RABEP2: variants seen among roughly 807,000 people sequenced by gnomAD.
RABEP2 encodes the protein rab GTPase-binding effector protein 2.
RABEP2 carries 57 observed loss-of-function variants against 74.1 expected under a neutral mutation model. The ratio of observed to expected loss-of-function variants is 0.77; its 90% CI spans 0.62 to 0.96. RABEP2 has a LOEUF of 0.96. Among genes scored for constraint, RABEP2 ranks in the 40% least tolerant of loss-of-function variants. The pLI is 0.00. For missense variants in RABEP2, 692 were observed against 756.3 expected (o/e 0.91, Z 1.00); for synonymous variants, 351 against 344.0 (o/e 1.02, Z -0.23).
At chr16:28,923,898 A>G (rs1964499616) in intron 2 of RABEP2, 3 of 166,788 alleles carry the variant, frequency 1.8e-5, no homozygotes, top group African/African-American at 7.2e-5. Context: ...AAACAGGATC[A>G]GCAGCTGGGG....
chr16:28,914,207 C>T (rs1306496391), intron 5 of RABEP2, 29 bp downstream of exon 5: 4 of 1,531,994 alleles, frequency 2.6e-6, no homozygotes, highest in Admixed American at 1.9e-5. Context: ...GGGGATGGTA[C>T]ACCCCGCCAC....
chr16:28,924,394 G>C lies in RABEP2; in HGVS notation c.274+9C>G. On this transcript the variant is annotated intron_variant, in intron 2 of 12. Transcript: ENST00000358201. ...TTGATGGGGAGTCTAGGTGAGTCCC[G>C]CGTCTCACCTTTCAGGATGGCCTGC... is the stretch of plus-strand genomic sequence containing the variant. The C allele has an allele frequency of 6.2e-7, 1 of 1,609,548 alleles. No individual in the cohort carries two copies.
At chr16:28,910,815 C>A (rs959081544) in intron 7 of RABEP2, 73 bp downstream of exon 7, 3 of 1,328,194 alleles carry the variant, frequency 2.3e-6, no homozygotes, top group Non-Finnish European at 3.2e-6. Flanking sequence ...TTCCCACGTG[C>A]CCCCTTCCAC....
chr16:28,912,592 T>C (rs1372747315), intron 5 of RABEP2, among the ~76,000 whole-genome samples: 1 of 151,880 alleles, frequency 6.6e-6, no homozygotes, highest in African/African-American at 2.4e-5. Context: ...TTTGTGTTTT[T>C]TTGTAGGACA....
chr16:28,914,353 T>C lies in RABEP2; in HGVS notation c.777A>G (p.Glu259=). The C allele has an allele frequency of 6.2e-7, 1 of 1,613,468 alleles. No homozygotes were observed. The highest frequency in any genetic ancestry group is 8.5e-7 in the Non-Finnish European group (1 of 1,180,014). ...LPQSRQGLSP[E]QEETASLVST... ...ACACCAGCGAGGCCGTCTCTTCCTGTTCAGGGCTCAGGCCCTGGCGGCTTT... is the reference window on the plus strand; with the variant it reads ...ACACCAGCGAGGCCGTCTCTTCCTGCTCAGGGCTCAGGCCCTGGCGGCTTT... Residue 259 remains glutamate (E), a synonymous_variant, in exon 5 of 13, where the codon GAA becomes GAG. Transcript: ENST00000358201.
intron 3 of RABEP2, chr16:28,917,961 T>C (rs781160056): frequency 6.6e-6 from 1 of 152,074 alleles, no homozygotes; most frequent in Non-Finnish European, 1.5e-5. Context: ...TTAATTGAAG[T>C]ATCTATCTCA....
At chr16:28,912,473 C>G (rs1350422927) in intron 5 of RABEP2, among the ~76,000 whole-genome samples, 1 of 147,834 alleles carries the variant, frequency 6.8e-6, no homozygotes, top group Non-Finnish European at 1.5e-5. Flanking sequence ...CAGTGGCGCA[C>G]GATCTCAGCT....
intron 1 of RABEP2, 156 bp downstream of exon 1, chr16:28,924,947 C>A: frequency 3.1e-6 from 3 of 957,636 alleles, no homozygotes; most frequent in South Asian, 2.8e-5. Context: ...GGCCACGCCC[C>A]CTTTTGCCTG....
rs201409528 is a variant in RABEP2 at position 28,905,724 on chromosome 16, C to A, written c.1471G>T (p.Val491Leu). 2.6e-4 allele frequency: 421 copies of A among 1,614,030 alleles called. 1 individual carries two copies. Among genetic ancestry groups the A allele is most frequent in the Admixed American group, 1.4e-3 (83 of 60,028 alleles). ...LCSLRTEMER[V>L]QQEQSKAQLP... The stretch of plus-strand genomic sequence containing the variant: ...CTCACCTTGCTCTGTTCCTGCTGCA[C>A]CCGCTCCATCTCTGTCCTCAGGCTG... The change falls in exon 11 of 13, where the codon GTG becomes TTG. Residue 491 changes from valine (V) to leucine (L), a missense_variant. By Grantham distance (32) the Val-to-Leu change is conservative (BLOSUM62 1). Transcript: ENST00000358201.
chr16:28,916,988 A>T (rs900105634), intron 3 of RABEP2, among the ~76,000 whole-genome samples: 1 of 92,986 alleles, frequency 1.1e-5, no homozygotes, highest in African/African-American at 4.3e-5. Context: ...ACTCCATCTC[A>T]AAAAAAAAAA....
intron 5 of RABEP2, among the ~76,000 whole-genome samples, chr16:28,913,813 A>C (rs1377939250): frequency 1.2e-4 from 12 of 103,678 alleles, no homozygotes; most frequent in South Asian, 3.0e-4. Context: ...ACAGGTTCTC[A>C]CTCTGTGACC....
chr16:28,925,111 GGCC>G lies in RABEP2; in HGVS notation c.50_52del (p.Arg17del), dbSNP rs766717206. On this transcript the variant is annotated inframe_deletion, in exon 1 of 13. Transcript: ENST00000358201. ...GACGCCCCCTCACGTACCAGCCCCC[GGCC>G]GCCGCCGCCGCTCATCGTCGTCCGC... 11 of 1,532,858 alleles carry G rather than the reference GGCC, an allele frequency of 7.2e-6. No homozygotes were observed. The highest frequency in any genetic ancestry group is 5.9e-5 in the Admixed American group (3 of 50,954). 95.0% of individuals were successfully genotyped at this position (1,532,858 alleles called of 1,614,324 possible). A position where few individuals can be genotyped will look rare whatever the true frequency, so the allele number is the denominator to read the frequency against.
intron 7 of RABEP2, 189 bp downstream of exon 7, chr16:28,910,699 G>T (rs1251508306): frequency 5.3e-6 from 3 of 569,300 alleles, no homozygotes; most frequent in Non-Finnish European, 9.4e-6. Context: ...TGGCTGCAGG[G>T]GCCCTGTTCT....
intron 8 of RABEP2, 117 bp downstream of exon 8, chr16:28,908,492 T>G: frequency 1.8e-6 from 2 of 1,116,700 alleles, no homozygotes; most frequent in Non-Finnish European, 2.5e-6. Flanking sequence ...AGAAGGCAAA[T>G]GAGTTAGCCA....
chr16:28,908,571 CGGTG>C, intron 8 of RABEP2, 34 bp downstream of exon 8: 1 of 1,558,730 alleles, frequency 6.4e-7, no homozygotes, highest in Non-Finnish European at 8.7e-7. Context: ...GGGGCCCTCA[CGGTG>C]GCTCCAGGCT....
At chr16:28,921,347 T>C (rs1026300867) in intron 2 of RABEP2, 4 of 409,248 alleles carry the variant, frequency 9.8e-6, no homozygotes, top group Non-Finnish European at 2.0e-5. Flanking sequence ...TGGGCTTGGA[T>C]ATCCCAGAGG....
chr16:28,911,772 C>A (rs939631761), intron 5 of RABEP2, among the ~76,000 whole-genome samples: 2 of 150,230 alleles, frequency 1.3e-5, no homozygotes, highest in Admixed American at 6.6e-5. Context: ...TATGGTGAAA[C>A]CTTGTCTCTA....
intron 11 of RABEP2, 74 bp downstream of exon 11, chr16:28,905,630 G>A (rs1964214791): frequency 1.3e-6 from 2 of 1,559,764 alleles, no homozygotes; most frequent in Non-Finnish European, 1.7e-6. Context: ...AGACACAGAG[G>A]GCGGGAGGGG....
chr16:28,914,794 G>T lies in RABEP2; in HGVS notation c.433-12C>A. 6.2e-7 allele frequency: 1 copy of T among 1,611,844 alleles called. No individual in the cohort carries two copies. Among genetic ancestry groups the T allele is most frequent in the Non-Finnish European group, 8.5e-7 (1 of 1,178,362 alleles). On this transcript the variant is annotated splice_polypyrimidine_tract_variant and intron_variant, in intron 3 of 12. Transcript: ENST00000358201. ...GAGTCCTCGTGGGCCTGGAGGGAGCGGGGTGTGGCAGCAATAGTTCCCCCT... is the reference window on the plus strand; with the variant it reads ...GAGTCCTCGTGGGCCTGGAGGGAGCTGGGTGTGGCAGCAATAGTTCCCCCT...
Sources: gnomAD v4.1 joint callset for allele counts (sites outside exome capture counted in the v4.1 genomes callset) on GRCh38, gnomAD v4.1.1 for gene constraint, MANE v1.5 for transcripts, NCBI Gene and HGNC (gene_info 2026-07-23, HGNC 2026-07-21) for gene names.